The following RAB37 variants were observed in gnomAD, a reference collection of about 807,000 sequenced individuals.
RAB37 encodes ras-related protein Rab-37.
A neutral mutation model predicts 33.1 loss-of-function variants in RAB37; 29 were observed. The observed-to-expected ratio is 0.88, with a 90% confidence interval of 0.65 to 1.20. The LOEUF is 1.20. RAB37 is among the 50% of genes most tolerant of loss of function. The pLI is 0.00. For missense variants in RAB37, 299 were observed against 301.1 expected (o/e 0.99, Z 0.05); for synonymous variants, 128 against 119.5 (o/e 1.07, Z -0.47).
In RAB37 at chr17:74,744,616, AACAGGGTCCC is replaced by A; in HGVS notation, c.432+245_433-246del. On this transcript the variant is annotated intron_variant, in intron 6 of 8. Coordinates refer to ENST00000392613, the MANE Select transcript of RAB37 (RefSeq NM_001006638.3). This position sits in a 1 kb window ranked among gnomAD's most constrained non-coding sequence, Gnocchi z 4.2. ...TCTCAGCCCCCATTAGAGCAGAGTG[AACAGGGTCCC>A]AGGTCAGGGGCTAAGAGTGCAAAGG... The A allele has an allele frequency of 1.6e-6, 1 of 623,308 alleles. No individual in the cohort carries two copies. The highest frequency in any genetic ancestry group is 2.8e-6 in the Non-Finnish European group (1 of 352,876). 38.6% of individuals were successfully genotyped at this position (623,308 alleles called of 1,614,324 possible).
At chr17:74,714,140 G>A (rs954296859) in intron 1 of RAB37, among the ~76,000 whole-genome samples, 3 of 151,932 alleles carry the variant, frequency 2.0e-5, no homozygotes, top group African/African-American at 7.3e-5. Context: ...GAACCCAGGC[G>A]GCAGAGGTTG....
At chr17:74,736,997 G>A, upstream of RAB37, 1 of 1,595,402 alleles carries the variant, frequency 6.3e-7, no homozygotes, top group African/African-American at 1.3e-5. Flanking sequence ...CAGGGGACCG[G>A]TCCCGGGGCT....
chr17:74,692,900 C>T (rs2032190006), intron 1 of RAB37, among the ~76,000 whole-genome samples: 1 of 152,144 alleles, frequency 6.6e-6, no homozygotes, highest in Non-Finnish European at 1.5e-5. Flanking sequence ...ATTGAGTCAA[C>T]CAATAAACAT....
chr17:74,695,131 C>A (rs2032304511), intron 1 of RAB37: 4 of 1,614,160 alleles, frequency 2.5e-6, no homozygotes, highest in Non-Finnish European at 3.4e-6. Flanking sequence ...TCCGTGGGCT[C>A]CTCAGGGCCC....
In RAB37 at chr17:74,744,832, G is replaced by T; in HGVS notation, c.433-41G>T. On this transcript the variant is annotated intron_variant, in intron 6 of 8. Transcript: ENST00000392613. This position sits in a 1 kb window ranked among gnomAD's most constrained non-coding sequence, Gnocchi z 4.2. ...GGGCAAAATATGGGCCCGCTGGGGCGGAGGCCTCCTTCCCCAGAGTGACCC... is the reference window on the plus strand; with the variant it reads ...GGGCAAAATATGGGCCCGCTGGGGCTGAGGCCTCCTTCCCCAGAGTGACCC... 5.6e-6 allele frequency: 9 copies of T among 1,611,478 alleles called. No homozygotes were observed. Among genetic ancestry groups the T allele is most frequent in the Non-Finnish European group, 7.6e-6 (9 of 1,177,562 alleles).
intron 1 of RAB37, among the ~76,000 whole-genome samples, chr17:74,685,217 C>G (rs1337896244): frequency 1.3e-5 from 2 of 152,052 alleles, no homozygotes; most frequent in Non-Finnish European, 2.9e-5. Flanking sequence ...TGGAGTCTTG[C>G]TCTGTCACCC....
At chr17:74,727,383 A>G (rs958131638) in intron 1 of RAB37, among the ~76,000 whole-genome samples, 5 of 152,236 alleles carry the variant, frequency 3.3e-5, no homozygotes, top group Non-Finnish European at 7.3e-5. Context: ...CCTTCAGACC[A>G]TGATGCAGGT....
At chr17:74,678,674 GACAC>G (rs2031891787) in intron 1 of RAB37, among the ~76,000 whole-genome samples, 1 of 144,964 alleles carries the variant, frequency 6.9e-6, no homozygotes, top group Non-Finnish European at 1.5e-5. Flanking sequence ...CACACACACA[GACAC>G]ACAGACACAC....
intron 2 of RAB37, among the ~76,000 whole-genome samples, chr17:74,731,789 C>T (rs2034387006): frequency 6.6e-6 from 1 of 152,264 alleles, no homozygotes; most frequent in South Asian, 2.1e-4. Flanking sequence ...GGGCGGATCA[C>T]TTGAGGCCAG....
chr17:74,742,988 T>C lies in RAB37; in HGVS notation c.247-141T>C. ...TGCTACTGTCCAGGTCATTGGATGCTCAGGGGCTCATGAGAACCTAAAGAA... is the reference window on the plus strand; with the variant it reads ...TGCTACTGTCCAGGTCATTGGATGCCCAGGGGCTCATGAGAACCTAAAGAA... On this transcript the variant is annotated intron_variant, in intron 3 of 8. Transcript: ENST00000392613. The surrounding 1 kb of genome is among the most constrained non-coding windows in gnomAD (Gnocchi z 4.0). 4.2e-6 allele frequency: 3 copies of C among 719,096 alleles called. No homozygotes were observed. The highest frequency in any genetic ancestry group is 7.2e-6 in the Non-Finnish European group (3 of 416,804). The allele number at this position is 719,096 out of a possible 1,614,324, so 44.5% of individuals were successfully genotyped here.
At chr17:74,675,072 T>C (rs2143455686) in intron 1 of RAB37, among the ~76,000 whole-genome samples, 1 of 152,312 alleles carries the variant, frequency 6.6e-6, no homozygotes, top group Admixed American at 6.5e-5. Flanking sequence ...ATACCTGCCT[T>C]ATTATTTTTG....
chr17:74,736,914 A>C, upstream of RAB37: 1 of 1,494,360 alleles, frequency 6.7e-7, no homozygotes, highest in African/African-American at 1.4e-5. Flanking sequence ...CGCGGTGCGC[A>C]GCGACTACGG....
chr17:74,744,870 C>T lies in RAB37; in HGVS notation c.433-3C>T. 6.2e-7 allele frequency: 1 copy of T among 1,614,270 alleles called. No homozygotes were observed. The highest frequency in any genetic ancestry group is 8.5e-7 in the Non-Finnish European group (1 of 1,180,046). On this transcript the variant is annotated splice_polypyrimidine_tract_variant and splice_region_variant and intron_variant, in intron 6 of 8. Transcript: ENST00000392613. The surrounding 1 kb of genome is among the most constrained non-coding windows in gnomAD (Gnocchi z 4.2). ...CCCAGAGTGACCCATTTGGGCTTGACAGGCGGATATGAGCAGCGAAAGAGT... is the reference window on the plus strand; with the variant it reads ...CCCAGAGTGACCCATTTGGGCTTGATAGGCGGATATGAGCAGCGAAAGAGT...
At chr17:74,740,548 A>C (rs1171486382) in intron 1 of RAB37, among the ~76,000 whole-genome samples, 1 of 152,160 alleles carries the variant, frequency 6.6e-6, no homozygotes, top group Non-Finnish European at 1.5e-5. Flanking sequence ...TTGAATGAGG[A>C]CAGGAGGGTC....
chr17:74,745,653 A>G lies in RAB37; in HGVS notation c.*242A>G. On this transcript the variant is annotated 3_prime_UTR_variant, in exon 9 of 9. Transcript: ENST00000392613. This position sits in a 1 kb window ranked among gnomAD's most constrained non-coding sequence, Gnocchi z 4.5. Reference sequence around the variant, plus strand: ...ATAGTACATAATTTAATACCAAAAAAGGCGCCTGGATCCCCAAAAAACCGA... The same window carrying G: ...ATAGTACATAATTTAATACCAAAAAGGGCGCCTGGATCCCCAAAAAACCGA... 1 of 405,388 alleles carries G rather than the reference A, an allele frequency of 2.5e-6. No individual in the cohort carries two copies. The highest frequency in any genetic ancestry group is 4.4e-6 in the Non-Finnish European group (1 of 226,482). 25.1% of individuals were successfully genotyped at this position (405,388 alleles called of 1,614,324 possible). A position where few individuals can be genotyped will look rare whatever the true frequency, so the allele number is the denominator to read the frequency against.
At chr17:74,705,302 T>C in intron 1 of RAB37, 1 of 693,526 alleles carries the variant, frequency 1.4e-6, no homozygotes. Flanking sequence ...TGATTTCTAG[T>C]GGTTCTGGAA....
chr17:74,728,853 T>C (rs907682172), intron 1 of RAB37, among the ~76,000 whole-genome samples: 50 of 152,122 alleles, frequency 3.3e-4, no homozygotes, highest in Non-Finnish European at 5.4e-4. Flanking sequence ...TGCATGTATG[T>C]TTCTGTGCCA....
At chr17:74,709,450 T>G (rs1334963517) in intron 1 of RAB37, among the ~76,000 whole-genome samples, 5 of 152,238 alleles carry the variant, frequency 3.3e-5, no homozygotes, top group East Asian at 3.8e-4. Flanking sequence ...GACATTCATA[T>G]GTACTTTATA....
chr17:74,680,157 T>C (rs1281854386), intron 1 of RAB37, among the ~76,000 whole-genome samples: 1 of 152,000 alleles, frequency 6.6e-6, no homozygotes, highest in Admixed American at 6.6e-5. Flanking sequence ...TATTTTAATC[T>C]CATTTTACAG....
Sources: allele counts gnomAD v4.1 joint callset (sites outside exome capture counted in the v4.1 genomes callset), GRCh38; gene constraint gnomAD v4.1.1; non-coding constraint Gnocchi (gnomAD v3.1); transcripts MANE v1.5; gene names NCBI Gene and HGNC (gene_info 2026-07-23, HGNC 2026-07-21).